Variants in EHBP1 observed in about 807,000 individuals in gnomAD.
EHBP1 encodes the protein EH domain binding protein 1.
In EHBP1, 55 loss-of-function variants were observed where a neutral mutation model predicts 144.0. The ratio of observed to expected loss-of-function variants is 0.38; its 90% confidence interval spans 0.31 to 0.48. EHBP1 has a LOEUF of 0.48. Ranked by LOEUF, EHBP1 falls within the 20% of genes least tolerant of loss-of-function variation. The probability of loss-of-function intolerance (pLI) is 0.98; values close to 1 mark genes in which losing one functional copy is unlikely to be tolerated. For synonymous variants in EHBP1, 469 were observed against 472.7 expected, an observed-to-expected ratio of 0.99 and a Z score of 0.10; for missense variants, 1,200 against 1,364.2, an observed-to-expected ratio of 0.88 and a Z score of 1.90.
At chr2:62,805,226 A>C (rs2044348841) in intron 5 of EHBP1, among the ~76,000 whole-genome samples, 1 of 152,170 alleles carries the variant, frequency 6.6e-6, no homozygotes, top group African/African-American at 2.4e-5. Context: ...ATATGGGATT[A>C]GTTAAATTAT....
At chr2:63,021,488 T>C (rs2060746038) in intron 19 of EHBP1, among the ~76,000 whole-genome samples, 1 of 152,196 alleles carries the variant, frequency 6.6e-6, no homozygotes, top group Non-Finnish European at 1.5e-5. Flanking sequence ...GTTAGGCACT[T>C]ACAGAAGCAA....
intron 6 of EHBP1, among the ~76,000 whole-genome samples, chr2:62,829,182 G>T (rs752748174): frequency 6.6e-6 from 1 of 151,268 alleles, no homozygotes; most frequent in African/African-American, 2.4e-5. Context: ...GCACAGAATC[G>T]AACTAATTCC....
chr2:62,997,894 T>A (rs749028443), intron 19 of EHBP1, among the ~76,000 whole-genome samples: 1 of 151,994 alleles, frequency 6.6e-6, no homozygotes, highest in Non-Finnish European at 1.5e-5. Flanking sequence ...GCCAGGAGAA[T>A]AAGGGAGCAG....
chr2:62,836,946 C>A (rs2047312960), intron 7 of EHBP1, among the ~76,000 whole-genome samples: 1 of 128,074 alleles, frequency 7.8e-6, no homozygotes, highest in African/African-American at 3.0e-5. Context: ...CTTCCCCAAT[C>A]TAGCAAGGCA....
chr2:62,844,427 G>A (rs542735057), intron 7 of EHBP1, among the ~76,000 whole-genome samples: 3 of 152,268 alleles, frequency 2.0e-5, no homozygotes, highest in Admixed American at 2.0e-4. Flanking sequence ...TTGAATTACA[G>A]TTGGAAAAAT....
chr2:62,878,023 A>C (rs1172217284), intron 10 of EHBP1, among the ~76,000 whole-genome samples: 2 of 152,220 alleles, frequency 1.3e-5, no homozygotes, highest in African/African-American at 4.8e-5. Flanking sequence ...GAAAAACAGT[A>C]CAAAAAAATT....
chr2:62,692,763 T>A (rs1558511633), intron 1 of EHBP1, among the ~76,000 whole-genome samples: 1 of 152,064 alleles, frequency 6.6e-6, no homozygotes, highest in Non-Finnish European at 1.5e-5. Flanking sequence ...TGTGGGCACA[T>A]AGTAGGTGTA....
chr2:62,993,367 C>G (rs927679959), intron 16 of EHBP1, among the ~76,000 whole-genome samples, 163 bp from the exon 17 acceptor site: 3 of 152,112 alleles, frequency 2.0e-5, no homozygotes, highest in Non-Finnish European at 4.4e-5. Context: ...TGATTACAGG[C>G]AACAGAACTT....
chr2:62,841,566 CTTTA>C (rs1162395710), intron 7 of EHBP1, among the ~76,000 whole-genome samples: 4 of 152,170 alleles, frequency 2.6e-5, no homozygotes, highest in Non-Finnish European at 5.9e-5. Flanking sequence ...TGATTCTCTT[CTTTA>C]TTTAAACCCT....
intron 5 of EHBP1, among the ~76,000 whole-genome samples, chr2:62,806,694 T>A (rs1253951953): frequency 6.6e-6 from 1 of 152,146 alleles, no homozygotes; most frequent in African/African-American, 2.4e-5. Flanking sequence ...CCACTTTCTT[T>A]CTTTTCTTAG....
At chr2:62,680,124 G>A (rs536044044) in intron 1 of EHBP1, among the ~76,000 whole-genome samples, 167 of 152,272 alleles carry the variant, frequency 1.1e-3, no homozygotes, top group African/African-American at 3.9e-3. Flanking sequence ...CTACATGAAC[G>A]CTTTCACTGA....
intron 2 of EHBP1, among the ~76,000 whole-genome samples, chr2:62,737,364 C>G (rs1022091661): frequency 6.6e-6 from 1 of 152,120 alleles, no homozygotes; most frequent in South Asian, 2.1e-4. Flanking sequence ...CCCTTTCCCC[C>G]GCGACTGGGT....
intron 5 of EHBP1, among the ~76,000 whole-genome samples, chr2:62,774,705 C>T (rs973771969): frequency 2.0e-5 from 3 of 151,926 alleles, no homozygotes; most frequent in Non-Finnish European, 2.9e-5. Flanking sequence ...ATTAACTGGA[C>T]GTGGTGGCAT....
intron 1 of EHBP1, among the ~76,000 whole-genome samples, chr2:62,674,373 T>C (rs958837714): frequency 6.6e-6 from 1 of 152,232 alleles, no homozygotes; most frequent in Non-Finnish European, 1.5e-5. Flanking sequence ...ACTAAAAACA[T>C]GCATGAGCAG....
intron 5 of EHBP1, among the ~76,000 whole-genome samples, chr2:62,773,443 A>G (rs1238187642): frequency 1.3e-5 from 2 of 152,170 alleles, no homozygotes; most frequent in Non-Finnish European, 2.9e-5. Flanking sequence ...TGTATCTACC[A>G]CAATTTTTTT....
At chr2:62,959,158 T>G (rs2057871228) in intron 14 of EHBP1, among the ~76,000 whole-genome samples, 1 of 152,248 alleles carries the variant, frequency 6.6e-6, no homozygotes, top group Admixed American at 6.5e-5. Flanking sequence ...CTTATTTCAC[T>G]TAGCATAATG....
chr2:62,764,121 A>T, intron 3 of EHBP1, 145 bp from the exon 4 acceptor site: 1 of 541,242 alleles, frequency 1.8e-6, no homozygotes, highest in East Asian at 3.5e-5. Context: ...TGTTTCAGGG[A>T]TACTACATAG....
chr2:62,841,482 T>C (rs1280839236), intron 7 of EHBP1, among the ~76,000 whole-genome samples: 2 of 151,994 alleles, frequency 1.3e-5, no homozygotes, highest in Admixed American at 6.6e-5. Context: ...CTAAAACTTA[T>C]AATAAAAAAA....
At chr2:62,908,378 C>T (rs745539650) in intron 10 of EHBP1, among the ~76,000 whole-genome samples, 1 of 152,116 alleles carries the variant, frequency 6.6e-6, no homozygotes, top group Non-Finnish European at 1.5e-5. Flanking sequence ...GATTTATCCA[C>T]TTTACTCATC....
Sources: gnomAD v4.1 joint callset for allele counts (sites outside exome capture counted in the v4.1 genomes callset) on GRCh38, gnomAD v4.1.1 for gene constraint, MANE v1.5 for transcripts, NCBI Gene and HGNC (gene_info 2026-07-23, HGNC 2026-07-21) for gene names.